POLD1: variants seen among roughly 807,000 people sequenced by gnomAD.
The protein encoded by POLD1 is DNA polymerase delta catalytic subunit.
POLD1 carries 79 observed loss-of-function variants against 129.7 expected under a neutral mutation model. The observed-to-expected ratio is 0.61, with a 90% CI of 0.51 to 0.73. The LOEUF is 0.73. POLD1 is among the 30% of genes least tolerant of loss of function. The pLI is 0.00. For missense variants in POLD1, 1,338 were observed against 1,595.8 expected, an observed-to-expected ratio of 0.84 and a Z score of 2.75; for synonymous variants, 714 against 683.3, an observed-to-expected ratio of 1.04 and a Z score of -0.70.
intron 1 of POLD1, among the ~76,000 whole-genome samples, chr19:50,384,946 G>T (rs1421873502): frequency 6.6e-6 from 1 of 152,216 alleles, no homozygotes; most frequent in East Asian, 1.9e-4. Flanking sequence ...CAAGTGCAAA[G>T]CCCTGAGGTG....
At chr19:50,385,982 A>G (rs2037957991) in intron 1 of POLD1, among the ~76,000 whole-genome samples, 1 of 152,050 alleles carries the variant, frequency 6.6e-6, no homozygotes, top group Non-Finnish European at 1.5e-5. Context: ...GCCAATGATC[A>G]TTCAGTTTGG....
At position 50,407,099 on chromosome 19, in the gene POLD1, G is replaced by A. The variant is rs1060504357; in HGVS notation, c.1611G>A (p.Arg537=). 7 of 1,613,676 alleles carry A rather than the reference G, an allele frequency of 4.3e-6. No homozygotes were observed. The highest frequency in any genetic ancestry group is 3.3e-4 in the Middle Eastern group (2 of 6,056). Residue 537 remains arginine (R), a synonymous_variant, in exon 13 of 27, where the codon AGG becomes AGA. Coordinates refer to ENST00000440232, the MANE Select transcript of POLD1 (RefSeq NM_002691.4). ...MVLVNAVEMA[R]VTGVPLSYLL... ...TGGTGAACGCCGTGGAGATGGCGAG[G>A]GTCACTGGCGTGCCCCTCAGCTACC...
chr19:50,394,363 A>G (rs1356916256), intron 1 of POLD1, among the ~76,000 whole-genome samples: 1 of 152,144 alleles, frequency 6.6e-6, no homozygotes, highest in Admixed American at 6.6e-5. Context: ...GCAAAAAAGC[A>G]AAGCAAAGCC....
intron 1 of POLD1, among the ~76,000 whole-genome samples, 163 bp downstream of exon 1, chr19:50,384,553 G>A (rs1000042420): frequency 1.3e-5 from 2 of 151,936 alleles, no homozygotes; most frequent in African/African-American, 4.8e-5. Context: ...GAGGGCGCGG[G>A]GACGAGCAGG....
chr19:50,402,769 C>T lies in POLD1; in HGVS notation c.970+28C>T, dbSNP rs1726806. 9,616 of 1,564,646 alleles carry T rather than the reference C, an allele frequency of 6.1e-3. 517 individuals are homozygous for T. The African/African-American group carries it at 0.11, about 19-fold the overall frequency. ...CTGTCCCCGGGCCCGGGCTCCTGCCCGCCTCATTGATGTGCCAAGTCGGGG... is the reference window on the plus strand; with the variant it reads ...CTGTCCCCGGGCCCGGGCTCCTGCCTGCCTCATTGATGTGCCAAGTCGGGG... On this transcript the variant is annotated intron_variant, in intron 8 of 26. Transcript: ENST00000440232.
chr19:50,401,884 C>T lies in POLD1; in HGVS notation c.423C>T (p.Ile141=). The T allele has an allele frequency of 6.2e-7, 1 of 1,614,062 alleles. No individual in the cohort carries two copies. The highest frequency in any genetic ancestry group is 8.5e-7 in the Non-Finnish European group (1 of 1,179,970). ...TDEGFSVCCH[I]HGFAPYFYTP... ...AGGGGTTCTCTGTCTGCTGCCACAT[C>T]CACGGCTTCGCTCCCTACTTCTACA... The change falls in exon 4 of 27, where the codon ATC becomes ATT. Residue 141 remains isoleucine (I), a synonymous_variant. Transcript: ENST00000440232.
chr19:50,417,377 C>T (rs369358279), intron 26 of POLD1, 108 bp downstream of exon 26: 28 of 688,682 alleles, frequency 4.1e-5, no homozygotes, highest in South Asian at 1.6e-4. Context: ...GCATCCTCCC[C>T]GCCCATCCCC....
At chr19:50,387,110 T>C (rs1433235445) in intron 1 of POLD1, among the ~76,000 whole-genome samples, 1 of 151,944 alleles carries the variant, frequency 6.6e-6, no homozygotes, top group East Asian at 1.9e-4. Context: ...ACGGATCACT[T>C]GAGGTGAGGA....
At chr19:50,402,963 G>A in intron 8 of POLD1, 90 bp from the exon 9 acceptor site, 1 of 1,488,810 alleles carries the variant, frequency 6.7e-7, no homozygotes, top group Non-Finnish European at 9.1e-7. Context: ...AGGCAGCGGG[G>A]ACAGCCCCGG....
At chr19:50,402,808 G>T in intron 8 of POLD1, 67 bp downstream of exon 8, 1 of 1,536,252 alleles carries the variant, frequency 6.5e-7, no homozygotes, top group Non-Finnish European at 8.8e-7. Flanking sequence ...GGAAAGGCAG[G>T]TCCGGTGGAG....
At chr19:50,416,907 G>A in intron 24 of POLD1, 138 bp from the exon 25 acceptor site, 3 of 1,097,932 alleles carry the variant, frequency 2.7e-6, no homozygotes, top group Non-Finnish European at 3.8e-6. Flanking sequence ...GTTCCCCAGG[G>A]GAGTTTTCCC....
At chr19:50,391,322 G>T (rs1021338439) in intron 1 of POLD1, among the ~76,000 whole-genome samples, 1 of 152,000 alleles carries the variant, frequency 6.6e-6, no homozygotes, top group African/African-American at 2.4e-5. Context: ...CTGCAATCTC[G>T]GCACTTTGGG....
At chr19:50,412,140 CTG>C (rs1408398134) in intron 17 of POLD1, among the ~76,000 whole-genome samples, 2 of 152,150 alleles carry the variant, frequency 1.3e-5, no homozygotes, top group Non-Finnish European at 2.9e-5. Context: ...AGTTGAGACC[CTG>C]TCTCTTTTAG....
rs1364658753 is a variant in POLD1, at chr19:50,417,288, C to A, written c.3218+19C>A. 2 of 1,522,588 alleles carry A rather than the reference C, an allele frequency of 1.3e-6. No individual in the cohort carries two copies. The highest frequency in any genetic ancestry group is 1.8e-6 in the Non-Finnish European group (2 of 1,124,650). 94.3% of individuals were successfully genotyped at this position (1,522,588 alleles called of 1,614,324 possible). On this transcript the variant is annotated intron_variant, in intron 26 of 26. Coordinates refer to ENST00000440232, the MANE Select transcript of POLD1 (RefSeq NM_002691.4). Reference sequence around the variant, plus strand: ...GCACCAGGTGTGTGCCATGTCCCGACCCTGGGCTGCCCCGCCCCTTCCCAG... The same window carrying A: ...GCACCAGGTGTGTGCCATGTCCCGAACCTGGGCTGCCCCGCCCCTTCCCAG...
In POLD1 at chr19:50,399,410, G is replaced by A. The variant is rs755461109; in HGVS notation, c.242G>A (p.Arg81Gln). The A allele has an allele frequency of 6.2e-6, 10 of 1,614,010 alleles. No homozygotes were observed. The highest frequency in any genetic ancestry group is 1.7e-5 in the Admixed American group (1 of 59,988). ...TCAGCCATAGATCCTCGCTGGCTTCGGCCCACACCACCAGCGCTGGACCCC... is the reference window on the plus strand; with the variant it reads ...TCAGCCATAGATCCTCGCTGGCTTCAGCCCACACCACCAGCGCTGGACCCC... Reference protein sequence around the residue: ...PPSAIDPRWLRPTPPALDPQT... With the variant: ...PPSAIDPRWLQPTPPALDPQT... The change falls in exon 3 of 27, where the codon CGG becomes CAG. Residue 81 changes from arginine (R) to glutamine (Q), a missense_variant. Physicochemically the swap from Arg to Gln is conservative, Grantham distance 43. This residue lies in a region of POLD1 where 332 missense variants were observed against 315.7 expected (regional missense o/e 1.05). Transcript: ENST00000440232.
chr19:50,402,891 G>C, intron 8 of POLD1, 150 bp downstream of exon 8: 1 of 1,341,332 alleles, frequency 7.5e-7, no homozygotes, highest in South Asian at 1.4e-5. Context: ...AGCACAGAGG[G>C]TGTGGAGATG....
chr19:50,400,508 A>G (rs1601193708), intron 3 of POLD1, among the ~76,000 whole-genome samples: 1 of 143,134 alleles, frequency 7.0e-6, no homozygotes, highest in Non-Finnish European at 1.5e-5. Flanking sequence ...GGAGTGAGTA[A>G]CTGTGCCCCG....
Position 50,413,871 on chromosome 19 carries a change from T to C in POLD1, c.2380T>C (p.Phe794Leu). 1 of 1,600,834 alleles carries C rather than the reference T, an allele frequency of 6.2e-7. No individual in the cohort carries two copies. The highest frequency in any genetic ancestry group is 1.1e-5 in the South Asian group (1 of 89,214). The change falls in exon 19 of 27, where the codon TTT becomes CTT. Residue 794 changes from phenylalanine (F) to leucine (L), a missense_variant. Physicochemically the swap from Phe to Leu is conservative, Grantham distance 22. Coordinates refer to ENST00000440232, the MANE Select transcript of POLD1 (RefSeq NM_002691.4). Reference sequence around the variant, plus strand: ...CTTCCCGTCGCCCATCCGGCTGGAGTTTGAGAAGGTGCGTGGCTGGGTCAG... The same window carrying C: ...CTTCCCGTCGCCCATCCGGCTGGAGCTTGAGAAGGTGCGTGGCTGGGTCAG... The part of the protein sequence containing the change: ...GHFPSPIRLE[F>L]EKVYFPYLLI...
At chr19:50,391,374 C>A (rs1411906792) in intron 1 of POLD1, among the ~76,000 whole-genome samples, 1 of 151,226 alleles carries the variant, frequency 6.6e-6, no homozygotes, top group African/African-American at 2.5e-5. Flanking sequence ...TGTAGCGAGC[C>A]GAGATCACGC....
Sources: allele counts gnomAD v4.1 joint callset (sites outside exome capture counted in the v4.1 genomes callset), GRCh38; gene constraint gnomAD v4.1.1; regional missense constraint gnomAD v4.1.1; transcripts MANE v1.5; gene names NCBI Gene and HGNC (gene_info 2026-07-23, HGNC 2026-07-21).